HSD17B12: variants seen among roughly 807,000 people sequenced by gnomAD.
The protein encoded by HSD17B12 is very-long-chain 3-oxoacyl-CoA reductase.
Under a neutral mutation model 39.3 loss-of-function variants are expected in HSD17B12, and 32 were observed. That is an observed-to-expected ratio of 0.81 (90% CI 0.61 to 1.09). The LOEUF (loss-of-function observed/expected upper bound fraction) is 1.09. Among genes scored for constraint, HSD17B12 ranks in the 50% least tolerant of loss-of-function variants. The pLI, the probability that HSD17B12 is intolerant of heterozygous loss-of-function variation, is 0.00. For synonymous variants in HSD17B12, 150 were observed against 146.7 expected (o/e 1.02, Z -0.16); for missense variants, 342 against 382.9 (o/e 0.89, Z 0.89).
chr11:43,643,611 A>T, the HSD17B12 span, among the ~76,000 whole-genome samples: 1 of 152,194 alleles, frequency 6.6e-6, no homozygotes, highest in Non-Finnish European at 1.5e-5. Flanking sequence ...CCTAAAAAAA[A>T]CTAACTTCAA....
At chr11:43,595,759 AC>A in the HSD17B12 span, among the ~76,000 whole-genome samples, 1 of 152,244 alleles carries the variant, frequency 6.6e-6, no homozygotes, top group African/African-American at 2.4e-5. Context: ...TTGAACATAT[AC>A]GCTCATGGAT....
At chr11:43,741,717 A>ATTTTCT (rs1173662349) in intron 1 of HSD17B12, among the ~76,000 whole-genome samples, 1 of 147,676 alleles carries the variant, frequency 6.8e-6, no homozygotes, top group Non-Finnish European at 1.5e-5. Flanking sequence ...TAACTGAGGG[A>ATTTTCT]TTTTCTTTTT....
chr11:43,673,823 T>C, the HSD17B12 span, among the ~76,000 whole-genome samples: 3 of 152,182 alleles, frequency 2.0e-5, no homozygotes, highest in Non-Finnish European at 4.4e-5. Context: ...AGTCATTTTT[T>C]AGATGCTGCT....
chr11:43,730,941 A>G lies in HSD17B12; in HGVS notation c.161-19970A>G, dbSNP rs192414195. Among the ~76,000 whole-genome samples, 54 of 152,238 alleles carry G rather than the reference A, an allele frequency of 3.5e-4. 1 individual carries two copies. In the East Asian group the frequency reaches 9.3e-3, roughly 26 times the overall value. The stretch of plus-strand genomic sequence containing the variant: ...CTTAGTGAGGTGAGACAGAGTGAAT[A>G]AAATCCAGGGTCTCTGTTTTTGGAG... On this transcript the variant is annotated intron_variant, in intron 1 of 10. Transcript: ENST00000278353.
intron 1 of HSD17B12, among the ~76,000 whole-genome samples, chr11:43,735,065 T>C (rs971147316): frequency 6.6e-6 from 1 of 152,254 alleles, no homozygotes; most frequent in African/African-American, 2.4e-5. Context: ...GATGTTCATA[T>C]ATAAGGTTCA....
chr11:43,655,540 G>A, the HSD17B12 span, among the ~76,000 whole-genome samples: 1 of 152,104 alleles, frequency 6.6e-6, no homozygotes, highest in Non-Finnish European at 1.5e-5. Context: ...TTGGCTGTGG[G>A]TTTCTCATAG....
rs527887826 is a variant in HSD17B12 at position 43,747,786 on chromosome 11, C to A, written c.161-3125C>A. Among the ~76,000 whole-genome samples, 31 of 152,306 alleles carry A rather than the reference C, an allele frequency of 2.0e-4. 1 individual carries two copies. In the South Asian group the frequency reaches 6.4e-3, roughly 32 times the overall value. ...CCATTCACCATTTTGCCCTGAACGT[C>A]TGCTTCTTAGATCTAAGTGACTGTA... On this transcript the variant is annotated intron_variant, in intron 1 of 10. Coordinates refer to ENST00000278353, the MANE Select transcript of HSD17B12 (RefSeq NM_016142.3).
the HSD17B12 span, among the ~76,000 whole-genome samples, chr11:43,620,486 G>C: frequency 6.6e-6 from 1 of 152,116 alleles, no homozygotes; most frequent in Non-Finnish European, 1.5e-5. Flanking sequence ...GTTTGCAAAA[G>C]CTCCAAAGTC....
At chr11:43,615,733 C>CT in the HSD17B12 span, among the ~76,000 whole-genome samples, 1 of 152,152 alleles carries the variant, frequency 6.6e-6, no homozygotes, top group East Asian at 1.9e-4. Flanking sequence ...AGAAGGAGGA[C>CT]TAGTCTGGTG....
At chr11:43,668,666 A>G in the HSD17B12 span, among the ~76,000 whole-genome samples, 1 of 152,120 alleles carries the variant, frequency 6.6e-6, no homozygotes, top group Middle Eastern at 3.2e-3. Flanking sequence ...AGGCATAATC[A>G]TTTTAGAATG....
At chr11:43,762,610 C>A (rs1950564013) in intron 3 of HSD17B12, among the ~76,000 whole-genome samples, 1 of 152,152 alleles carries the variant, frequency 6.6e-6, no homozygotes, top group African/African-American at 2.4e-5. Context: ...TTACCACTGT[C>A]AGAATGGAAT....
chr11:43,617,357 C>T, the HSD17B12 span, among the ~76,000 whole-genome samples: 1 of 152,104 alleles, frequency 6.6e-6, no homozygotes, highest in African/African-American at 2.4e-5. Flanking sequence ...GACTTTCAGC[C>T]TTGTTCTGCT....
chr11:43,718,896 A>G, intron 1 of HSD17B12: 1 of 930,476 alleles, frequency 1.1e-6, no homozygotes, highest in Non-Finnish European at 1.8e-6. Flanking sequence ...CTTGACCACT[A>G]TGCTGTCATC....
At chr11:43,660,927 C>G in the HSD17B12 span, among the ~76,000 whole-genome samples, 1 of 152,096 alleles carries the variant, frequency 6.6e-6, no homozygotes, top group Non-Finnish European at 1.5e-5. Context: ...GGGTTCAAGA[C>G]CAGCCTGACC....
At chr11:43,610,317 A>C in the HSD17B12 span, among the ~76,000 whole-genome samples, 1 of 152,194 alleles carries the variant, frequency 6.6e-6, no homozygotes, top group South Asian at 2.1e-4. Flanking sequence ...TAGGCATGTA[A>C]TTGGTGATTA....
chr11:43,614,825 T>C, the HSD17B12 span, among the ~76,000 whole-genome samples: 1 of 152,112 alleles, frequency 6.6e-6, no homozygotes, highest in African/African-American at 2.4e-5. Flanking sequence ...GTTTATAATT[T>C]CTTCTTCTGT....
chr11:43,810,395 ATATATAT>A (rs1951060866), intron 4 of HSD17B12, among the ~76,000 whole-genome samples: 2 of 77,148 alleles, frequency 2.6e-5, no homozygotes. Flanking sequence ...ATATATATAT[ATATATAT>A]AAAATTCAGA....
intron 3 of HSD17B12, among the ~76,000 whole-genome samples, chr11:43,780,323 G>A (rs1413215515): frequency 6.6e-6 from 1 of 151,926 alleles, no homozygotes; most frequent in Admixed American, 6.6e-5. Flanking sequence ...CCACCACCAT[G>A]CCAGGCTAAT....
chr11:43,675,317 A>G, the HSD17B12 span, among the ~76,000 whole-genome samples: 4 of 152,156 alleles, frequency 2.6e-5, no homozygotes, highest in Non-Finnish European at 5.9e-5. Flanking sequence ...GGGGGATGAC[A>G]TGTGAACAAA....
Sources: allele counts gnomAD v4.1 joint callset (sites outside exome capture counted in the v4.1 genomes callset), GRCh38; gene constraint gnomAD v4.1.1; transcripts MANE v1.5; gene names NCBI Gene and HGNC (gene_info 2026-07-23, HGNC 2026-07-21).